RRAS2: variants seen among roughly 807,000 people sequenced by gnomAD.
RRAS2 encodes ras-related protein R-Ras2.
A neutral mutation model predicts 27.6 loss-of-function variants in RRAS2; 7 were observed. That is an observed-to-expected ratio of 0.25 (90% CI 0.14 to 0.48). RRAS2 has a LOEUF of 0.48. RRAS2 is among the 20% of genes least tolerant of loss of function. RRAS2 has a pLI of 0.99. For synonymous variants in RRAS2, 86 were observed against 90.9 expected (o/e 0.95, Z 0.31); for missense variants, 178 against 256.2 (o/e 0.69, Z 2.08).
Position 14,353,581 on chromosome 11 carries a change from C to T in RRAS2, c.108+5182G>A, listed in dbSNP as rs185929891. ...CACTGCACTCTAGCCTGAACAAGAG[C>T]GAAACTTCGTCTCAAAAAAAAAAAA... is the stretch of plus-strand genomic sequence containing the variant. On this transcript the variant is annotated intron_variant, in intron 1 of 5. Coordinates refer to ENST00000256196, the MANE Select transcript of RRAS2 (RefSeq NM_012250.6). 6.8e-4 allele frequency among the ~76,000 whole-genome samples: 101 copies of T among 149,274 alleles called. 2 individuals are homozygous for T. Among genetic ancestry groups the T allele is most frequent in the Admixed American group, 5.4e-3 (81 of 14,968 alleles).
intron 1 of RRAS2, among the ~76,000 whole-genome samples, chr11:14,329,050 TATACACACACATATAC>T (rs1554951581): frequency 1.4e-5 from 2 of 140,942 alleles, no homozygotes; most frequent in South Asian, 2.3e-4. Context: ...TATATATGTA[TATACACACACATATAC>T]ATACACACAC....
At chr11:14,315,670 T>C (rs1848085130) in intron 1 of RRAS2, among the ~76,000 whole-genome samples, 1 of 152,198 alleles carries the variant, frequency 6.6e-6, no homozygotes, top group Non-Finnish European at 1.5e-5. Context: ...AGGTGACAGA[T>C]ATATGGGAAG....
intron 4 of RRAS2, among the ~76,000 whole-genome samples, chr11:14,293,907 A>AT (rs1384256089): frequency 1.3e-5 from 2 of 152,256 alleles, no homozygotes; most frequent in Non-Finnish European, 2.9e-5. Context: ...GTGGGTAAAG[A>AT]AACAAGTGAG....
intron 1 of RRAS2, among the ~76,000 whole-genome samples, chr11:14,349,397 C>T (rs1337761788): frequency 1.3e-5 from 2 of 151,210 alleles, no homozygotes; most frequent in African/African-American, 4.9e-5. Context: ...CTGCTGACCT[C>T]GTGATACACC....
chr11:14,282,817 G>A (rs1177590253), intron 4 of RRAS2, among the ~76,000 whole-genome samples: 1 of 152,076 alleles, frequency 6.6e-6, no homozygotes, highest in Non-Finnish European at 1.5e-5. Flanking sequence ...CATTTATCTA[G>A]GAGTTCTTTT....
intron 1 of RRAS2, among the ~76,000 whole-genome samples, chr11:14,346,056 A>G (rs1554954015): frequency 6.6e-6 from 1 of 152,238 alleles, no homozygotes; most frequent in African/African-American, 2.4e-5. Flanking sequence ...TTCTGAAAAG[A>G]CAAGAGAACA....
chr11:14,321,723 G>T (rs1848227207), intron 1 of RRAS2, among the ~76,000 whole-genome samples: 1 of 152,104 alleles, frequency 6.6e-6, no homozygotes, highest in Non-Finnish European at 1.5e-5. Context: ...TGCCTGTTCT[G>T]TGTTTTTATC....
chr11:14,363,161 C>T (rs1554956316), upstream of RRAS2, among the ~76,000 whole-genome samples: 1 of 152,208 alleles, frequency 6.6e-6, no homozygotes, highest in East Asian at 1.9e-4. Context: ...TAAATACTGA[C>T]TGCGTTTTAG....
chr11:14,314,295 T>A (rs1445342261), intron 1 of RRAS2, among the ~76,000 whole-genome samples: 4 of 152,190 alleles, frequency 2.6e-5, no homozygotes, highest in African/African-American at 9.7e-5. Context: ...AACATACAAA[T>A]GGGAACTACA....
intron 1 of RRAS2, among the ~76,000 whole-genome samples, chr11:14,357,813 T>C (rs782417871): frequency 7.9e-5 from 12 of 152,198 alleles, no homozygotes; most frequent in Non-Finnish European, 1.5e-4. Flanking sequence ...TCCCAGCATA[T>C]GCCACACCTT....
In RRAS2 at chr11:14,287,905, C is replaced by T. The variant is rs375354057; in HGVS notation, c.409-6185G>A. ...AAAAAAAAAAAGAAGAAGAAAAAAA[C>T]GAAATGTTAATTAATTCATGGTCTA... On this transcript the variant is annotated intron_variant, in intron 4 of 5. Transcript: ENST00000256196. Among the ~76,000 whole-genome samples, 88 of 150,224 alleles carry T rather than the reference C, an allele frequency of 5.9e-4. No individual in the cohort carries two copies. The Middle Eastern group carries it at 0.01, about 18-fold the overall frequency.
At chr11:14,309,712 T>C (rs1847915752) in intron 1 of RRAS2, among the ~76,000 whole-genome samples, 1 of 152,172 alleles carries the variant, frequency 6.6e-6, no homozygotes, top group African/African-American at 2.4e-5. Context: ...TACTGTAACA[T>C]GTCTGAAGAA....
intron 1 of RRAS2, among the ~76,000 whole-genome samples, chr11:14,357,647 T>C (rs1849111045): frequency 6.6e-6 from 1 of 152,236 alleles, no homozygotes; most frequent in Admixed American, 6.5e-5. Flanking sequence ...AATATTTTAA[T>C]GTCACTATAA....
At chr11:14,315,464 T>C (rs1554949410) in intron 1 of RRAS2, among the ~76,000 whole-genome samples, 1 of 152,140 alleles carries the variant, frequency 6.6e-6, no homozygotes, top group African/African-American at 2.4e-5. Context: ...ACAAGGAAAG[T>C]CAGCCAAGAG....
chr11:14,298,580 C>G (rs563901623), intron 1 of RRAS2, among the ~76,000 whole-genome samples: 1 of 152,220 alleles, frequency 6.6e-6, no homozygotes, highest in Non-Finnish European at 1.5e-5. Context: ...GCATTTATTT[C>G]CACTCATATT....
upstream of RRAS2, among the ~76,000 whole-genome samples, chr11:14,363,209 A>G (rs562957313): frequency 6.6e-6 from 1 of 152,022 alleles, no homozygotes; most frequent in African/African-American, 2.4e-5. Context: ...GGTCACCAGC[A>G]CTCTTCTATC....
At chr11:14,284,038 A>T (rs1849606195) in intron 4 of RRAS2, among the ~76,000 whole-genome samples, 1 of 151,870 alleles carries the variant, frequency 6.6e-6, no homozygotes, top group Non-Finnish European at 1.5e-5. Context: ...TTTCCATTTC[A>T]TTGGTCTTCA....
chr11:14,291,228 A>G (rs1366871104), intron 4 of RRAS2, among the ~76,000 whole-genome samples: 4 of 152,196 alleles, frequency 2.6e-5, no homozygotes, highest in African/African-American at 9.7e-5. Flanking sequence ...AGAAAATGAG[A>G]AAGTATGTAA....
chr11:14,328,285 G>A lies in RRAS2; in HGVS notation c.108+30478C>T, dbSNP rs186036406. Reference sequence around the variant, plus strand: ...GGAGGCTGAGGCAGGAGAATCACTTGAACCCAGGAGGTGGAGGTTGCAGTG... The same window carrying A: ...GGAGGCTGAGGCAGGAGAATCACTTAAACCCAGGAGGTGGAGGTTGCAGTG... On this transcript the variant is annotated intron_variant, in intron 1 of 5. Transcript: ENST00000256196. 1.3e-3 allele frequency among the ~76,000 whole-genome samples: 185 copies of A among 141,244 alleles called. 1 individual carries two copies. The highest frequency in any genetic ancestry group is 4.5e-3 in the African/African-American group (175 of 38,546). 92.7% of individuals were successfully genotyped at this position (141,244 alleles called of 152,430 possible). A position where few individuals can be genotyped will look rare whatever the true frequency, so the allele number is the denominator to read the frequency against.
Sources: allele counts gnomAD v4.1 joint callset (sites outside exome capture counted in the v4.1 genomes callset), GRCh38; gene constraint gnomAD v4.1.1; transcripts MANE v1.5; gene names NCBI Gene and HGNC (gene_info 2026-07-23, HGNC 2026-07-21).